Variants in MBD5 observed in about 807,000 individuals in gnomAD.
MBD5 encodes the protein methyl-CpG binding domain protein 5.
In MBD5, 13 loss-of-function variants were observed where a neutral mutation model predicts 117.3. The ratio of observed to expected loss-of-function variants is 0.11; its 90% CI spans 0.07 to 0.18. The LOEUF is 0.18. Ranked by LOEUF, MBD5 falls within the 10% of genes least tolerant of loss-of-function variation. The pLI is 1.00. For synonymous variants in MBD5, 727 were observed against 766.4 expected, an observed-to-expected ratio of 0.95 and a Z score of 0.85; for missense variants, 1,879 against 2,093.8, an observed-to-expected ratio of 0.90 and a Z score of 2.00.
At chr2:148,290,266 T>C (rs1331463244) in intron 3 of MBD5, among the ~76,000 whole-genome samples, 1 of 151,036 alleles carries the variant, frequency 6.6e-6, no homozygotes, top group African/African-American at 2.4e-5. Context: ...CCAAAAATCA[T>C]GTATTACTCT....
At chr2:148,250,026 G>T (rs1343243892) in intron 3 of MBD5, among the ~76,000 whole-genome samples, 1 of 151,950 alleles carries the variant, frequency 6.6e-6, no homozygotes, top group Non-Finnish European at 1.5e-5. Flanking sequence ...TCTGTTTTTG[G>T]CTCTACCTCT....
At chr2:148,294,509 T>TTTTTTG (rs750245317) in intron 3 of MBD5, among the ~76,000 whole-genome samples, 9 of 130,058 alleles carry the variant, frequency 6.9e-5, no homozygotes, top group African/African-American at 1.8e-4. Context: ...CAGTTTTTTT[T>TTTTTTG]TTTTTTTTTT....
intron 3 of MBD5, among the ~76,000 whole-genome samples, chr2:148,334,421 C>A (rs1435150165): frequency 6.6e-6 from 1 of 151,908 alleles, no homozygotes; most frequent in African/African-American, 2.4e-5. Context: ...CAACCTGGAA[C>A]TCTTGGGCTC....
intron 2 of MBD5, among the ~76,000 whole-genome samples, chr2:148,226,796 A>G (rs1699834846): frequency 6.6e-6 from 1 of 152,134 alleles, no homozygotes; most frequent in South Asian, 2.1e-4. Context: ...CTTTTTAATG[A>G]TCACTATTCT....
At chr2:148,066,272 C>A (rs977412976) in intron 1 of MBD5, among the ~76,000 whole-genome samples, 2 of 152,102 alleles carry the variant, frequency 1.3e-5, no homozygotes, top group African/African-American at 4.8e-5. Context: ...CACCACTACA[C>A]TCCAAATCCA....
At chr2:148,188,763 C>A (rs1384591879) in intron 2 of MBD5, among the ~76,000 whole-genome samples, 3 of 151,832 alleles carry the variant, frequency 2.0e-5, no homozygotes, top group African/African-American at 4.8e-5. Flanking sequence ...GCCAAGATGG[C>A]CGAATAGGAA....
rs1701482249 is a variant in MBD5, at chr2:148,290,752, TTCA to T, written c.-679-51458_-679-51456del. Among the ~76,000 whole-genome samples, 4 of 152,224 alleles carry T rather than the reference TTCA, an allele frequency of 2.6e-5. No homozygotes were observed. The South Asian group carries it at 6.2e-4, about 24-fold the overall frequency. ...TACGAATATACCACATTTCATTTTA[TTCA>T]TCAATTGATGAATATTTGAGTAGTT... On this transcript the variant is annotated intron_variant, in intron 3 of 13. Coordinates refer to ENST00000642680, the MANE Select transcript of MBD5 (RefSeq NM_001378120.1).
intron 4 of MBD5, among the ~76,000 whole-genome samples, chr2:148,406,006 G>C (rs1195828204): frequency 6.6e-6 from 1 of 151,976 alleles, no homozygotes; most frequent in African/African-American, 2.4e-5. Flanking sequence ...TATATACTAA[G>C]TTGATTTAAA....
intron 3 of MBD5, among the ~76,000 whole-genome samples, chr2:148,234,649 A>G (rs1188000267): frequency 6.6e-6 from 1 of 152,150 alleles, no homozygotes; most frequent in Non-Finnish European, 1.5e-5. Context: ...GCAGAGACAC[A>G]CCTAAACCTT....
intron 4 of MBD5, among the ~76,000 whole-genome samples, chr2:148,406,009 G>T (rs1705065964): frequency 6.6e-6 from 1 of 151,980 alleles, no homozygotes; most frequent in Non-Finnish European, 1.5e-5. Flanking sequence ...ATACTAAGTT[G>T]ATTTAAATAA....
At chr2:148,225,963 C>T (rs1321552483) in intron 2 of MBD5, among the ~76,000 whole-genome samples, 4 of 152,050 alleles carry the variant, frequency 2.6e-5, no homozygotes, top group African/African-American at 9.7e-5. Context: ...TGTTCTATAA[C>T]CTTCTTGTAC....
intron 4 of MBD5, among the ~76,000 whole-genome samples, chr2:148,423,762 G>T (rs1268888521): frequency 6.6e-6 from 1 of 152,148 alleles, no homozygotes; most frequent in African/African-American, 2.4e-5. Context: ...TGGCAAATTG[G>T]ATGAAGAGTC....
intron 8 of MBD5, among the ~76,000 whole-genome samples, chr2:148,473,978 T>G (rs1680877840): frequency 6.6e-6 from 1 of 152,270 alleles, no homozygotes; most frequent in East Asian, 1.9e-4. Flanking sequence ...TTGGTGACAT[T>G]CCTCAAGTTG....
At chr2:148,464,070 C>G in intron 7 of MBD5, 151 bp downstream of exon 7, 1 of 859,252 alleles carries the variant, frequency 1.2e-6, no homozygotes, top group Non-Finnish European at 1.7e-6. Flanking sequence ...TTACAAATAG[C>G]AAACTAGTTC....
intron 4 of MBD5, among the ~76,000 whole-genome samples, chr2:148,416,219 T>C (rs1705412959): frequency 6.6e-6 from 1 of 152,196 alleles, no homozygotes; most frequent in Admixed American, 6.5e-5. Flanking sequence ...TGGAAGATTT[T>C]AGGGGACCAA....
At chr2:148,030,410 A>G (rs1694005758) in intron 1 of MBD5, among the ~76,000 whole-genome samples, 1 of 152,224 alleles carries the variant, frequency 6.6e-6, no homozygotes, top group African/African-American at 2.4e-5. Flanking sequence ...AAAGCACATC[A>G]CAAAATAATA....
chr2:148,392,893 CA>C (rs1468276298), intron 4 of MBD5, among the ~76,000 whole-genome samples: 1 of 151,986 alleles, frequency 6.6e-6, no homozygotes, highest in African/African-American at 2.4e-5. Context: ...TCATTGTTAA[CA>C]GGGGATAATG....
chr2:148,325,176 G>C (rs1702410553), intron 3 of MBD5, among the ~76,000 whole-genome samples: 1 of 152,166 alleles, frequency 6.6e-6, no homozygotes, highest in African/African-American at 2.4e-5. Flanking sequence ...TGCATCCCAG[G>C]GATGAAGCCC....
rs1474107442 is a variant in MBD5 at position 148,490,266 on chromosome 2, T to C, written c.4634T>C (p.Leu1545Pro). The change falls in exon 11 of 14, where the codon CTG becomes CCG. Residue 1545 changes from leucine (L) to proline (P), a missense_variant. This residue lies in a region of MBD5 where 1,666 missense variants were observed against 1,792.2 expected (regional missense o/e 0.93). Coordinates refer to ENST00000642680, the MANE Select transcript of MBD5 (RefSeq NM_001378120.1). The stretch of plus-strand genomic sequence containing the variant: ...CTGCTAAGCACTGCAAAGCAAGACC[T>C]GGTCCTAGAGGAGCAGTCTCCAAGT... ...GELLSTAKQDLVLEEQSPSSS... is the reference protein window; with the variant it reads ...GELLSTAKQDPVLEEQSPSSS... The C allele has an allele frequency of 8.7e-6, 14 of 1,614,224 alleles. No homozygotes were observed. The highest frequency in any genetic ancestry group is 1.7e-5 in the Admixed American group (1 of 60,020).
Sources: allele counts gnomAD v4.1 joint callset (sites outside exome capture counted in the v4.1 genomes callset), GRCh38; gene constraint gnomAD v4.1.1; regional missense constraint gnomAD v4.1.1; transcripts MANE v1.5; gene names NCBI Gene and HGNC (gene_info 2026-07-23, HGNC 2026-07-21).